The following GRIK4 variants were observed in gnomAD, a reference collection of about 807,000 sequenced individuals.
The protein encoded by GRIK4 is glutamate receptor ionotropic, kainate 4.
GRIK4 carries 40 observed loss-of-function variants against 104.9 expected under a neutral mutation model. The observed-to-expected ratio is 0.38, with a 90% CI of 0.30 to 0.50. The LOEUF is 0.50. Among genes scored for constraint, GRIK4 ranks in the 20% least tolerant of loss-of-function variants. The pLI, the probability that GRIK4 is intolerant of heterozygous loss-of-function variation, is 0.93. For synonymous variants in GRIK4, 485 were observed against 524.9 expected, an observed-to-expected ratio of 0.92 and a Z score of 1.04; for missense variants, 1,047 against 1,308.1, an observed-to-expected ratio of 0.80 and a Z score of 3.08.
At chr11:120,758,611 T>C (rs1212592712) in intron 3 of GRIK4, among the ~76,000 whole-genome samples, 3 of 152,208 alleles carry the variant, frequency 2.0e-5, no homozygotes, top group Non-Finnish European at 4.4e-5. Context: ...TCTAAATGAT[T>C]CTTGAAATTA....
chr11:120,874,377 G>T (rs781187470), intron 10 of GRIK4, among the ~76,000 whole-genome samples, 159 bp downstream of exon 10: 3 of 152,214 alleles, frequency 2.0e-5, no homozygotes, highest in Non-Finnish European at 4.4e-5. Context: ...CAGTTGAATG[G>T]ATCATGAGCC....
chr11:120,799,233 G>C (rs1591928939), intron 3 of GRIK4, among the ~76,000 whole-genome samples: 4 of 152,188 alleles, frequency 2.6e-5, no homozygotes, highest in Non-Finnish European at 5.9e-5. Flanking sequence ...TGGAAACATT[G>C]GTAACAGTGA....
At chr11:120,797,135 T>G (rs1423243261) in intron 3 of GRIK4, among the ~76,000 whole-genome samples, 1 of 152,050 alleles carries the variant, frequency 6.6e-6, no homozygotes, top group Non-Finnish European at 1.5e-5. Context: ...GAAGAGTCAG[T>G]GTGCACTGAG....
At position 120,513,906 on chromosome 11, in the gene GRIK4, G is replaced by T. The variant is rs1947691123; in HGVS notation, c.-159+2019G>T. 6.6e-6 allele frequency among the ~76,000 whole-genome samples: 1 copy of T among 152,202 alleles called. No individual in the cohort carries two copies. The highest frequency in any genetic ancestry group is 1.9e-4 in the East Asian group (1 of 5,202). ...CAATGAAAATTCTTCCGAGAGCCTG[G>T]GTCGGCTTCGTGGTCTGATTTCCAC... is the stretch of plus-strand genomic sequence containing the variant. On this transcript the variant is annotated intron_variant, in intron 1 of 20. Coordinates refer to ENST00000527524, the MANE Select transcript of GRIK4 (RefSeq NM_014619.5). The surrounding 1 kb of genome is among the most constrained non-coding windows in gnomAD (Gnocchi z 4.5).
chr11:120,647,823 C>T (rs549780750), intron 1 of GRIK4, among the ~76,000 whole-genome samples: 2 of 152,320 alleles, frequency 1.3e-5, no homozygotes, highest in East Asian at 3.9e-4. Context: ...TTACTCTTCA[C>T]ACAAGGACAT....
At chr11:120,818,201 G>A (rs936503634) in intron 5 of GRIK4, among the ~76,000 whole-genome samples, 4 of 152,190 alleles carry the variant, frequency 2.6e-5, no homozygotes, top group East Asian at 1.9e-4. Flanking sequence ...TATTGGATTC[G>A]CTGCTAATGG....
Position 120,949,521 on chromosome 11 carries a change from G to A in GRIK4, c.1591-3334G>A, listed in dbSNP as rs371339212. Among the ~76,000 whole-genome samples, 27 of 152,320 alleles carry A rather than the reference G, an allele frequency of 1.8e-4. 1 individual carries two copies. Among genetic ancestry groups the A allele is most frequent in the African/African-American group, 5.8e-4 (24 of 41,578 alleles). On this transcript the variant is annotated intron_variant, in intron 14 of 20. Transcript: ENST00000527524. ...GGCCCAACTCACAGTCAACAGAGACGTGTATAAATCAATACAAATGCCTAT... is the reference window on the plus strand; with the variant it reads ...GGCCCAACTCACAGTCAACAGAGACATGTATAAATCAATACAAATGCCTAT...
At chr11:120,667,572 G>A (rs1208579458) in intron 3 of GRIK4, among the ~76,000 whole-genome samples, 1 of 152,254 alleles carries the variant, frequency 6.6e-6, no homozygotes, top group Non-Finnish European at 1.5e-5. Context: ...ACAGGCACAC[G>A]TTCCCTATCA....
At chr11:120,859,432 AC>A (rs1271364339) in intron 8 of GRIK4, 1 of 152,094 alleles carries the variant, frequency 6.6e-6, no homozygotes, top group Non-Finnish European at 1.5e-5. Flanking sequence ...CCACTATATC[AC>A]CCCAGCTGCC....
chr11:120,685,726 AG>A (rs1361491822), intron 3 of GRIK4, among the ~76,000 whole-genome samples: 3 of 152,116 alleles, frequency 2.0e-5, no homozygotes, highest in Admixed American at 6.6e-5. Context: ...CAGCAGTTGC[AG>A]TTCTGAAGCT....
At position 120,986,860 on chromosome 11, in the gene GRIK4, T is replaced by A. The variant is rs1294104754; in HGVS notation, c.*600T>A. The A allele has an allele frequency of 6.6e-6, 1 of 152,248 alleles. No homozygotes were observed. Among genetic ancestry groups the A allele is most frequent in the African/African-American group, 2.4e-5 (1 of 41,450 alleles). 9.4% of individuals were successfully genotyped at this position (152,248 alleles called of 1,614,324 possible). On this transcript the variant is annotated 3_prime_UTR_variant, in exon 21 of 21. Transcript: ENST00000527524. Reference sequence around the variant, plus strand: ...CTAAATAATCCCTATTTCTTCTTTTTCCTGAATTTTGGAATATTGCGTTAC... The same window carrying A: ...CTAAATAATCCCTATTTCTTCTTTTACCTGAATTTTGGAATATTGCGTTAC...
At chr11:120,882,840 C>T (rs1486924659) in intron 11 of GRIK4, among the ~76,000 whole-genome samples, 1 of 152,120 alleles carries the variant, frequency 6.6e-6, no homozygotes, top group Non-Finnish European at 1.5e-5. Context: ...TCTGCACTGG[C>T]CCTTCTGAGG....
intron 3 of GRIK4, among the ~76,000 whole-genome samples, chr11:120,745,550 A>C (rs2135415366): frequency 6.6e-6 from 1 of 152,270 alleles, no homozygotes; most frequent in Non-Finnish European, 1.5e-5. Context: ...GGGTCTTTGT[A>C]CATTTGCAGG....
At chr11:120,745,482 C>G (rs183121522) in intron 3 of GRIK4, among the ~76,000 whole-genome samples, 1 of 152,192 alleles carries the variant, frequency 6.6e-6, no homozygotes, top group African/African-American at 2.4e-5. Flanking sequence ...AATGTACTAT[C>G]ATTGAACTAA....
chr11:120,678,721 C>T (rs1249823567), intron 3 of GRIK4, among the ~76,000 whole-genome samples: 1 of 151,956 alleles, frequency 6.6e-6, no homozygotes, highest in African/African-American at 2.4e-5. Context: ...ACAACCTCCA[C>T]CCACCGGGTT....
intron 3 of GRIK4, among the ~76,000 whole-genome samples, chr11:120,789,687 G>T (rs189766347): frequency 2.6e-4 from 40 of 152,156 alleles, no homozygotes; most frequent in Admixed American, 2.5e-3. Context: ...AGACACACAG[G>T]TTCTTCATGC....
chr11:120,866,891 C>T (rs1432592171), intron 9 of GRIK4, among the ~76,000 whole-genome samples: 1 of 152,228 alleles, frequency 6.6e-6, no homozygotes, highest in Non-Finnish European at 1.5e-5. Flanking sequence ...GCTGAAGACT[C>T]CTGTAGCCCT....
At position 120,905,895 on chromosome 11, in the gene GRIK4, G is replaced by C. The variant is rs1451886762; in HGVS notation, c.1476+402G>C. Reference sequence around the variant, plus strand: ...CACATCAGCTGGCTTGGATCCTTGAGAGACACTGCCAAGGGAGACGTGGCT... The same window carrying C: ...CACATCAGCTGGCTTGGATCCTTGACAGACACTGCCAAGGGAGACGTGGCT... On this transcript the variant is annotated intron_variant, in intron 13 of 20. Coordinates refer to ENST00000527524, the MANE Select transcript of GRIK4 (RefSeq NM_014619.5). The surrounding 1 kb of genome is among the most constrained non-coding windows in gnomAD (Gnocchi z 5.1). 6.6e-6 allele frequency among the ~76,000 whole-genome samples: 1 copy of C among 152,230 alleles called. No individual in the cohort carries two copies. Among genetic ancestry groups the C allele is most frequent in the African/African-American group, 2.4e-5 (1 of 41,452 alleles).
rs1335523948 is a variant in GRIK4, at chr11:120,956,961, C to T, written c.1874+8C>T. On this transcript the variant is annotated splice_region_variant and intron_variant, in intron 16 of 20. Coordinates refer to ENST00000527524, the MANE Select transcript of GRIK4 (RefSeq NM_014619.5). This position sits in a 1 kb window ranked among gnomAD's most constrained non-coding sequence, Gnocchi z 4.6. ...CTGTGTCAGTGGCGTCTGGTAAGGCCCCAGGCAGAGGTGAACCAGGCCAGG... is the reference window on the plus strand; with the variant it reads ...CTGTGTCAGTGGCGTCTGGTAAGGCTCCAGGCAGAGGTGAACCAGGCCAGG... 6.3e-7 allele frequency: 1 copy of T among 1,588,654 alleles called. No homozygotes were observed. The highest frequency in any genetic ancestry group is 8.6e-7 in the Non-Finnish European group (1 of 1,166,574).
Sources: gnomAD v4.1 joint callset for allele counts (sites outside exome capture counted in the v4.1 genomes callset) on GRCh38, gnomAD v4.1.1 for gene constraint, Gnocchi (gnomAD v3.1) non-coding constraint, MANE v1.5 for transcripts, NCBI Gene and HGNC (gene_info 2026-07-23, HGNC 2026-07-21) for gene names.